Variants in RNF214 observed in about 807,000 individuals in gnomAD.
RNF214 encodes ring finger protein 214.
Under a neutral mutation model 75.9 loss-of-function variants are expected in RNF214, and 25 were observed. The observed-to-expected ratio is 0.33, with a 90% confidence interval of 0.24 to 0.46. RNF214 has a LOEUF of 0.46. RNF214 is among the 20% of genes least tolerant of loss of function. The probability of loss-of-function intolerance (pLI) is 1.00; values close to 1 mark genes in which losing one functional copy is unlikely to be tolerated. For synonymous variants in RNF214, 314 were observed against 308.8 expected, an observed-to-expected ratio of 1.02 and a Z score of -0.18; for missense variants, 725 against 857.5, an observed-to-expected ratio of 0.85 and a Z score of 1.93.
rs140634349 is a variant in RNF214 at position 117,282,785 on chromosome 11, G to GCCC, written c.1886_1888dup (p.Ala629_Gln630insPro). 994 of 1,614,094 alleles carry GCCC rather than the reference G, an allele frequency of 6.2e-4. 4 individuals carry two copies. In the African/African-American group the frequency reaches 0.011, roughly 18 times the overall value. ...CCGGGCCTTGTTCCCTGCTCCACTG[G>GCCC]CCCAAATCAGTACCCCAATGTTCTT... On this transcript the variant is annotated inframe_insertion, in exon 13 of 15. Transcript: ENST00000300650.
intron 6 of RNF214, among the ~76,000 whole-genome samples, chr11:117,278,489 CTG>C (rs1192569690): frequency 6.6e-6 from 1 of 152,152 alleles, no homozygotes; most frequent in Non-Finnish European, 1.5e-5. Flanking sequence ...CCTTTGCTGG[CTG>C]TGTTGCTTAA....
At chr11:117,285,009 G>T in intron 14 of RNF214, 77 bp from the exon 15 acceptor site, 1 of 1,047,438 alleles carries the variant, frequency 9.5e-7, no homozygotes, top group South Asian at 1.3e-5. Flanking sequence ...AGGCCTTGTT[G>T]AACCTTATTG....
intron 6 of RNF214, among the ~76,000 whole-genome samples, chr11:117,248,779 C>G (rs1471733678): frequency 6.6e-6 from 1 of 152,222 alleles, no homozygotes; most frequent in Non-Finnish European, 1.5e-5. Flanking sequence ...GACATGGTCT[C>G]TGCCATTGTC....
intron 6 of RNF214, among the ~76,000 whole-genome samples, chr11:117,254,279 A>G (rs2033469522): frequency 6.6e-6 from 1 of 152,094 alleles, no homozygotes; most frequent in Non-Finnish European, 1.5e-5. Context: ...TGCATGCTAA[A>G]TTAAAATTGA....
At chr11:117,263,478 G>A (rs2033722229) in intron 6 of RNF214, among the ~76,000 whole-genome samples, 1 of 152,008 alleles carries the variant, frequency 6.6e-6, no homozygotes, top group Admixed American at 6.6e-5. Context: ...GTTTCACCAT[G>A]TTGGCCAGGC....
Position 117,246,042 on chromosome 11 carries a change from C to G in RNF214, c.820-767C>G, listed in dbSNP as rs75126309. 3.9e-5 allele frequency among the ~76,000 whole-genome samples: 6 copies of G among 151,938 alleles called. 1 individual carries two copies. The highest frequency in any genetic ancestry group is 8.8e-5 in the Non-Finnish European group (6 of 68,018). ...TGTAGTGGGTACAATCAAGGCTCAC[C>G]GTATCTTTGACTTTCTGGGCTCGAG... On this transcript the variant is annotated intron_variant, in intron 5 of 14. Transcript: ENST00000300650.
In RNF214 at chr11:117,234,319, C is replaced by T. The variant is rs1289020102; in HGVS notation, c.47C>T (p.Pro16Leu). ...GGTGTTGTGGCCAATGCCCCCAGTC[C>T]TCCGGAATCTTCTAGTTTATGTGCT... ...VAGVVANAPS[P>L]PESSSLCASK... The change falls in exon 2 of 15, where the codon CCT becomes CTT. Residue 16 changes from proline to leucine, a missense_variant. By Grantham distance (98) the Pro-to-Leu change is moderately conservative (BLOSUM62 -3). This residue lies in a region of RNF214 where 362 missense variants were observed against 344.5 expected (regional missense o/e 1.05). Transcript: ENST00000300650. The T allele has an allele frequency of 1.2e-6, 2 of 1,614,054 alleles. No homozygotes were observed. Among genetic ancestry groups the T allele is most frequent in the East Asian group, 4.5e-5 (2 of 44,900 alleles).
intron 6 of RNF214, among the ~76,000 whole-genome samples, chr11:117,252,930 A>G (rs1231359078): frequency 2.0e-5 from 3 of 152,188 alleles, no homozygotes; most frequent in Non-Finnish European, 4.4e-5. Flanking sequence ...CATTAATATT[A>G]ATTAAAGATG....
chr11:117,239,701 T>C (rs73010409), intron 3 of RNF214, 100 bp from the exon 4 acceptor site: 82,599 of 716,256 alleles, frequency 0.12, 5,017 homozygotes, highest in Middle Eastern at 0.12. Flanking sequence ...GGGGAAAGAG[T>C]AAAAAGTTAG....
In RNF214 at chr11:117,281,595, T is replaced by A; in HGVS notation, c.1237-5T>A. 6.2e-7 allele frequency: 1 copy of A among 1,606,994 alleles called. No individual in the cohort carries two copies. Among genetic ancestry groups the A allele is most frequent in the Non-Finnish European group, 8.5e-7 (1 of 1,173,776 alleles). On this transcript the variant is annotated splice_polypyrimidine_tract_variant and splice_region_variant and intron_variant, in intron 9 of 14. Coordinates refer to ENST00000300650, the MANE Select transcript of RNF214 (RefSeq NM_207343.4). ...AGCAGTAAAAATAATCCTTTTTTTT[T>A]TTAGGACCAATTTAATAGTCATATC...
chr11:117,237,442 A>G (rs1047823660), intron 2 of RNF214, among the ~76,000 whole-genome samples: 4 of 152,228 alleles, frequency 2.6e-5, no homozygotes, highest in African/African-American at 9.6e-5. Context: ...AGACGCATCA[A>G]CTTGAATCCC....
intron 6 of RNF214, among the ~76,000 whole-genome samples, chr11:117,277,019 A>G (rs1002849500): frequency 6.6e-6 from 1 of 152,248 alleles, no homozygotes; most frequent in African/African-American, 2.4e-5. Context: ...TTGTAGCAAG[A>G]AAACACAGCT....
At chr11:117,246,356 T>C (rs2033226517) in intron 5 of RNF214, among the ~76,000 whole-genome samples, 1 of 152,072 alleles carries the variant, frequency 6.6e-6, no homozygotes, top group African/African-American at 2.4e-5. Flanking sequence ...TGTATGTATT[T>C]GTTGTTGTTA....
At chr11:117,241,111 C>CA in intron 4 of RNF214, among the ~76,000 whole-genome samples, 1 of 151,920 alleles carries the variant, frequency 6.6e-6, no homozygotes, top group Non-Finnish European at 1.5e-5. Context: ...ACCTGGGAGG[C>CA]AGAGATTGCA....
At position 117,258,392 on chromosome 11, in the gene RNF214, A is replaced by G. The variant is rs10892088; in HGVS notation, c.959+11444A>G. Among the ~76,000 whole-genome samples, 1,515 of 152,126 alleles carry G rather than the reference A, an allele frequency of 1.0e-2. 8 individuals carry two copies. Among genetic ancestry groups the G allele is most frequent in the Middle Eastern group, 0.041 (12 of 294 alleles). On this transcript the variant is annotated intron_variant, in intron 6 of 14. Transcript: ENST00000300650. The stretch of plus-strand genomic sequence containing the variant: ...CCGTCTTTTCTTTTTCGTTGAGAGG[A>G]GACACCACACGAGGTCTTATTTTTT...
intron 1 of RNF214, among the ~76,000 whole-genome samples, chr11:117,232,987 G>A (rs1460214845): frequency 3.3e-5 from 5 of 151,938 alleles, no homozygotes; most frequent in African/African-American, 7.2e-5. Flanking sequence ...AGTCCCCTGT[G>A]GGGGGTGGCC....
intron 4 of RNF214, 128 bp from the exon 5 acceptor site, chr11:117,244,317 G>T (rs1248097587): frequency 2.9e-6 from 2 of 679,854 alleles, no homozygotes; most frequent in Non-Finnish European, 5.0e-6. Context: ...GCCACATATG[G>T]CTAGTAGAGT....
At chr11:117,270,449 T>G (rs1452441536) in intron 6 of RNF214, among the ~76,000 whole-genome samples, 1 of 151,866 alleles carries the variant, frequency 6.6e-6, no homozygotes, top group Non-Finnish European at 1.5e-5. Context: ...TTAATTTTTT[T>G]GAGATGGAGT....
At chr11:117,239,750 T>G (rs1206441739) in intron 3 of RNF214, 51 bp from the exon 4 acceptor site, 1 of 998,908 alleles carries the variant, frequency 1.0e-6, no homozygotes, top group African/African-American at 1.6e-5. Flanking sequence ...TGATTCTGCC[T>G]CTTTTAAAGT....
Sources: gnomAD v4.1 joint callset for allele counts (sites outside exome capture counted in the v4.1 genomes callset) on GRCh38, gnomAD v4.1.1 for gene constraint, gnomAD v4.1.1 regional missense constraint, MANE v1.5 for transcripts, NCBI Gene and HGNC (gene_info 2026-07-23, HGNC 2026-07-21) for gene names.